The following RBFOX1 variants were observed in gnomAD, a reference collection of about 807,000 sequenced individuals.
RBFOX1 encodes RNA binding protein fox-1 homolog 1.
In RBFOX1, 8 loss-of-function variants were observed where a neutral mutation model predicts 57.7. That is an observed-to-expected ratio of 0.14 (90% confidence interval 0.08 to 0.25). The LOEUF is 0.25. Among genes scored for constraint, RBFOX1 ranks in the 10% least tolerant of loss-of-function variants. The pLI is 1.00. For synonymous variants in RBFOX1, 326 were observed against 222.4 expected (o/e 1.47, Z -4.15); for missense variants, 611 against 548.5 (o/e 1.11, Z -1.14).
Position 5,756,832 on chromosome 16 carries a change from G to T in RBFOX1, c.319-110471G>T, listed in dbSNP as rs139971809. Among the ~76,000 whole-genome samples the T allele has an allele frequency of 5.8e-3, 876 of 152,220 alleles. 12 individuals are homozygous for T. Among genetic ancestry groups the T allele is most frequent in the African/African-American group, 0.02 (843 of 41,518 alleles). On this transcript the variant is annotated intron_variant, in intron 3 of 19. Coordinates refer to the RBFOX1 transcript ENST00000641259. ...GAAAGGTGGACTTCTCAATAATACAGCTAACAGGTACTGAGTGTTTATTGC... is the reference window on the plus strand; with the variant it reads ...GAAAGGTGGACTTCTCAATAATACATCTAACAGGTACTGAGTGTTTATTGC...
chr16:7,214,028 C>G (rs1000896232), intron 4 of RBFOX1, among the ~76,000 whole-genome samples: 1 of 151,974 alleles, frequency 6.6e-6, no homozygotes, highest in African/African-American at 2.4e-5. Flanking sequence ...TGACCTCTCC[C>G]CTTTGCCTAG....
At chr16:5,713,997 C>G (rs1027525299) in intron 3 of RBFOX1, among the ~76,000 whole-genome samples, 3 of 152,150 alleles carry the variant, frequency 2.0e-5, no homozygotes, top group East Asian at 1.9e-4. Context: ...AGGAAGCTCA[C>G]TCACAGGGCT....
chr16:6,885,948 T>C (rs919749680), intron 3 of RBFOX1, among the ~76,000 whole-genome samples: 3 of 152,272 alleles, frequency 2.0e-5, no homozygotes, highest in East Asian at 1.9e-4. Context: ...ATGATTTCTC[T>C]TGATTTGTTT....
intron 1 of RBFOX1, among the ~76,000 whole-genome samples, chr16:5,442,633 G>C (rs1044327633): frequency 1.4e-4 from 21 of 152,170 alleles, no homozygotes; most frequent in African/African-American, 4.8e-4. Context: ...ATTGGGCTTG[G>C]GAAGTGTAAA....
At chr16:5,359,433 A>C (rs528228790) in intron 1 of RBFOX1, among the ~76,000 whole-genome samples, 5 of 152,304 alleles carry the variant, frequency 3.3e-5, no homozygotes. Flanking sequence ...TCCCACCAAC[A>C]GTGTACACGA....
intron 3 of RBFOX1, among the ~76,000 whole-genome samples, chr16:5,650,219 G>A (rs2049189758): frequency 6.6e-6 from 1 of 152,198 alleles, no homozygotes; most frequent in Admixed American, 6.5e-5. Context: ...GCAAACAGAG[G>A]CAGCTGCTTG....
intron 4 of RBFOX1, among the ~76,000 whole-genome samples, chr16:5,982,634 C>T (rs1380229164): frequency 6.6e-6 from 1 of 152,148 alleles, no homozygotes; most frequent in East Asian, 1.9e-4. Flanking sequence ...ATGGCTCTAT[C>T]CATTTTCTTC....
chr16:6,657,152 C>G (rs1176743643), intron 3 of RBFOX1, among the ~76,000 whole-genome samples: 1 of 149,526 alleles, frequency 6.7e-6, no homozygotes, highest in Non-Finnish European at 1.5e-5. Flanking sequence ...CCTCTTCTCT[C>G]CTCTTTTCCT....
intron 4 of RBFOX1, among the ~76,000 whole-genome samples, chr16:7,485,996 C>G (rs1260678536): frequency 1.3e-5 from 2 of 152,132 alleles, no homozygotes; most frequent in Admixed American, 1.3e-4. Flanking sequence ...CCCCATAGAG[C>G]TGAAAGTGTT....
chr16:7,054,931 C>T (rs184001517), intron 4 of RBFOX1, among the ~76,000 whole-genome samples: 152 of 152,254 alleles, frequency 1.0e-3, no homozygotes, highest in African/African-American at 3.5e-3. Flanking sequence ...GATAAAGCTG[C>T]GCTTTCTGTT....
At chr16:5,927,543 C>A (rs1430471617) in intron 4 of RBFOX1, among the ~76,000 whole-genome samples, 1 of 152,080 alleles carries the variant, frequency 6.6e-6, no homozygotes, top group African/African-American at 2.4e-5. Flanking sequence ...TATGGAGGTT[C>A]CCCCCAAAAG....
intron 4 of RBFOX1, among the ~76,000 whole-genome samples, chr16:7,160,388 T>C (rs1269902765): frequency 6.6e-6 from 1 of 152,152 alleles, no homozygotes; most frequent in African/African-American, 2.4e-5. Flanking sequence ...TCTTCTCTTC[T>C]GTACTTTTCA....
chr16:6,670,491 C>T (rs1289976916), intron 3 of RBFOX1, among the ~76,000 whole-genome samples: 1 of 152,114 alleles, frequency 6.6e-6, no homozygotes, highest in Non-Finnish European at 1.5e-5. Context: ...ATAAAGAAAT[C>T]ATAAAATTAG....
intron 3 of RBFOX1, among the ~76,000 whole-genome samples, chr16:5,794,437 A>G (rs1178074781): frequency 6.6e-6 from 1 of 152,118 alleles, no homozygotes; most frequent in South Asian, 2.1e-4. Flanking sequence ...TGTGATCTAT[A>G]AAATATTACA....
At chr16:7,112,080 A>T (rs1304041853) in intron 4 of RBFOX1, among the ~76,000 whole-genome samples, 1 of 152,200 alleles carries the variant, frequency 6.6e-6, no homozygotes, top group South Asian at 2.1e-4. Flanking sequence ...AATTAATTTC[A>T]TTAGAAACAA....
chr16:7,184,244 T>C (rs181214120), intron 4 of RBFOX1, among the ~76,000 whole-genome samples: 1 of 152,180 alleles, frequency 6.6e-6, no homozygotes. Flanking sequence ...TCTTTGCTTA[T>C]AGCAAGGGGG....
intron 2 of RBFOX1, among the ~76,000 whole-genome samples, chr16:6,653,181 T>G (rs1415278554): frequency 6.6e-6 from 1 of 152,162 alleles, no homozygotes; most frequent in Non-Finnish European, 1.5e-5. Context: ...AATTGCCACT[T>G]TTTCAAAAAA....
At chr16:7,697,712 A>G (rs1319131267) in intron 14 of RBFOX1, among the ~76,000 whole-genome samples, 1 of 152,068 alleles carries the variant, frequency 6.6e-6, no homozygotes, top group African/African-American at 2.4e-5. Context: ...CCTGGGTCAC[A>G]CTGCCTCCAC....
At chr16:6,497,820 G>C (rs992741763) in intron 2 of RBFOX1, among the ~76,000 whole-genome samples, 1 of 152,022 alleles carries the variant, frequency 6.6e-6, no homozygotes, top group Admixed American at 6.6e-5. Flanking sequence ...GCCTCCCAAA[G>C]TGTAGGTATT....
Sources: allele counts gnomAD v4.1 joint callset (sites outside exome capture counted in the v4.1 genomes callset), GRCh38; gene constraint gnomAD v4.1.1; transcripts MANE v1.5; gene names NCBI Gene and HGNC (gene_info 2026-07-23, HGNC 2026-07-21).